The following SLC39A12 variants were observed in gnomAD, a reference collection of about 807,000 sequenced individuals.
SLC39A12 encodes solute carrier family 39 member 12.
Under a neutral mutation model 71.1 loss-of-function variants are expected in SLC39A12, and 63 were observed. That is an observed-to-expected ratio of 0.89 (90% CI 0.72 to 1.09). The LOEUF is 1.09. SLC39A12 is among the 50% of genes least tolerant of loss of function. The probability of loss-of-function intolerance (pLI) is 0.00; values close to 1 mark genes in which losing one functional copy is unlikely to be tolerated. For synonymous variants in SLC39A12, 351 were observed against 301.3 expected (o/e 1.16, Z -1.71); for missense variants, 892 against 812.6 (o/e 1.10, Z -1.19).
chr10:17,999,505 T>C (rs188305685), intron 10 of SLC39A12, among the ~76,000 whole-genome samples: 1 of 152,308 alleles, frequency 6.6e-6, no homozygotes, highest in African/African-American at 2.4e-5. Context: ...ATACTTTTCA[T>C]GTTTGTGAGT....
At chr10:18,015,451 T>G (rs1455618460) in intron 12 of SLC39A12, among the ~76,000 whole-genome samples, 1 of 152,140 alleles carries the variant, frequency 6.6e-6, no homozygotes, top group Non-Finnish European at 1.5e-5. Context: ...TTCCAGTGAT[T>G]CTTCATAATA....
intron 12 of SLC39A12, among the ~76,000 whole-genome samples, chr10:18,007,646 T>A (rs1222044605): frequency 6.6e-6 from 1 of 152,238 alleles, no homozygotes; most frequent in Non-Finnish European, 1.5e-5. Context: ...CATGATATGC[T>A]AAACAAGGGT....
intron 2 of SLC39A12, 85 bp downstream of exon 2, chr10:17,953,622 A>G (rs782641784): frequency 1.8e-5 from 26 of 1,452,960 alleles, no homozygotes; most frequent in African/African-American, 2.9e-5. Context: ...CAGTAAAGCA[A>G]AATCACAGGC....
At position 17,953,557 on chromosome 10, in the gene SLC39A12, G is replaced by A. The variant is rs1209095230; in HGVS notation, c.261+20G>A. 5.0e-6 allele frequency: 8 copies of A among 1,612,580 alleles called. No individual in the cohort carries two copies. Among genetic ancestry groups the A allele is most frequent in the Non-Finnish European group, 5.9e-6 (7 of 1,179,244 alleles). On this transcript the variant is annotated intron_variant, in intron 2 of 12. Transcript: ENST00000377369. ...AATCTGGTTAGTGAAATAGAATGGGGTCAGGTATCAGGGCATGTCCAAAAG... is the reference window on the plus strand; with the variant it reads ...AATCTGGTTAGTGAAATAGAATGGGATCAGGTATCAGGGCATGTCCAAAAG...
At chr10:18,030,630 T>G (rs201542610) in intron 12 of SLC39A12, among the ~76,000 whole-genome samples, 9,973 of 40,324 alleles carry the variant, frequency 0.25, 468 homozygotes, top group East Asian at 0.43. Context: ...ATGTATTTAT[T>G]TATTTATTTA....
intron 12 of SLC39A12, among the ~76,000 whole-genome samples, chr10:18,026,812 C>T (rs1836690817): frequency 6.6e-6 from 1 of 152,106 alleles, no homozygotes. Flanking sequence ...CTAATTAGCT[C>T]ATCAAAGACA....
chr10:17,982,961 C>T (rs539967608), intron 6 of SLC39A12, among the ~76,000 whole-genome samples: 6 of 151,430 alleles, frequency 4.0e-5, no homozygotes, highest in African/African-American at 1.2e-4. Flanking sequence ...GAGGCCGAGG[C>T]GGGTGGATCA....
At chr10:17,983,825 C>CAAA (rs1443576783) in intron 6 of SLC39A12, among the ~76,000 whole-genome samples, 5 of 151,988 alleles carry the variant, frequency 3.3e-5, no homozygotes, top group Non-Finnish European at 7.4e-5. Context: ...TCACTGTCCT[C>CAAA]AATCGAAAAT....
chr10:18,040,761 C>T (rs2130911184), intron 12 of SLC39A12, among the ~76,000 whole-genome samples: 1 of 138,440 alleles, frequency 7.2e-6, no homozygotes, highest in East Asian at 2.2e-4. Flanking sequence ...AAGAGTGAAA[C>T]TCCATCTCAA....
At chr10:18,035,569 T>G (rs1463696195) in intron 12 of SLC39A12, among the ~76,000 whole-genome samples, 1 of 152,040 alleles carries the variant, frequency 6.6e-6, no homozygotes, top group Non-Finnish European at 1.5e-5. Flanking sequence ...TTCAAAGTTT[T>G]CAACTTCTTT....
chr10:18,019,740 T>C (rs1262787315), intron 12 of SLC39A12, among the ~76,000 whole-genome samples: 2 of 152,132 alleles, frequency 1.3e-5, no homozygotes, highest in East Asian at 1.9e-4. Context: ...TATTGATTTC[T>C]AGTTTAATCC....
intron 12 of SLC39A12, among the ~76,000 whole-genome samples, chr10:18,033,230 A>G (rs1223590580): frequency 6.8e-6 from 1 of 146,676 alleles, no homozygotes; most frequent in Non-Finnish European, 1.5e-5. Flanking sequence ...GAATGGTACC[A>G]GTTCCTCCTT....
chr10:17,954,241 A>G (rs1834482049), intron 2 of SLC39A12, among the ~76,000 whole-genome samples: 1 of 152,144 alleles, frequency 6.6e-6, no homozygotes, highest in Non-Finnish European at 1.5e-5. Flanking sequence ...AAGTCTCTCC[A>G]GGTTATTATT....
In SLC39A12 at chr10:18,003,182, G is replaced by A. The variant is rs142064736; in HGVS notation, c.1771G>A (p.Val591Met). ...EIPHEMGDFA[V>M]LLSSGLSMKT... ...CTCTTAAACTTCAGGAGACTTTGCC[G>A]TGCTCTTAAGCTCTGGACTTTCTAT... Residue 591 changes from valine (V) to methionine (M), a missense_variant, in exon 12 of 13, where the codon GTG becomes ATG. By Grantham distance (21) the Val-to-Met change is conservative. Transcript: ENST00000377369. 893 of 1,612,096 alleles carry A rather than the reference G, an allele frequency of 5.5e-4. 4 individuals carry two copies. The African/African-American group carries it at 9.9e-3, about 18-fold the overall frequency.
intron 12 of SLC39A12, among the ~76,000 whole-genome samples, chr10:18,041,565 T>TACAC (rs995325004): frequency 3.2e-5 from 4 of 123,898 alleles, no homozygotes; most frequent in Non-Finnish European, 6.7e-5. Flanking sequence ...CACGCACACA[T>TACAC]ACACACACAC....
At chr10:18,014,850 A>C (rs1044146613) in intron 12 of SLC39A12, among the ~76,000 whole-genome samples, 2 of 152,222 alleles carry the variant, frequency 1.3e-5, no homozygotes, top group Non-Finnish European at 2.9e-5. Flanking sequence ...AATCTGATGC[A>C]TCTACAGTTT....
chr10:18,026,403 T>G (rs1159029612), intron 12 of SLC39A12, among the ~76,000 whole-genome samples: 1 of 152,192 alleles, frequency 6.6e-6, no homozygotes, highest in Non-Finnish European at 1.5e-5. Flanking sequence ...GCATGGTTTC[T>G]AAGAAGTCAG....
intron 12 of SLC39A12, among the ~76,000 whole-genome samples, chr10:18,035,658 A>T (rs187319502): frequency 6.6e-6 from 1 of 152,198 alleles, no homozygotes; most frequent in Admixed American, 6.5e-5. Context: ...CGTCAAAGTC[A>T]TTCTCCATCC....
intron 3 of SLC39A12, among the ~76,000 whole-genome samples, chr10:17,962,969 A>G (rs147143255): frequency 5.6e-4 from 86 of 152,278 alleles, no homozygotes; most frequent in Non-Finnish European, 1.1e-3. Flanking sequence ...CAGCCTAGGC[A>G]ACATAGCAAG....
Sources: allele counts gnomAD v4.1 joint callset (sites outside exome capture counted in the v4.1 genomes callset), GRCh38; gene constraint gnomAD v4.1.1; transcripts MANE v1.5; gene names NCBI Gene and HGNC (gene_info 2026-07-23, HGNC 2026-07-21).